The following L3MBTL3 variants were observed in gnomAD, a reference collection of about 807,000 sequenced individuals.
The protein encoded by L3MBTL3 is L3MBTL histone methyl-lysine binding protein 3.
Under a neutral mutation model 102.3 loss-of-function variants are expected in L3MBTL3, and 27 were observed. That is an observed-to-expected ratio of 0.26 (90% CI 0.19 to 0.36). The LOEUF (loss-of-function observed/expected upper bound fraction) is 0.36, where lower values mean the gene tolerates loss of function less well. Among genes scored for constraint, L3MBTL3 ranks in the 10% least tolerant of loss-of-function variants. The probability of loss-of-function intolerance (pLI) is 1.00; values close to 1 mark genes in which losing one functional copy is unlikely to be tolerated. For synonymous variants in L3MBTL3, 340 were observed against 320.9 expected (o/e 1.06, Z -0.64); for missense variants, 798 against 955.3 (o/e 0.84, Z 2.17).
intron 14 of L3MBTL3, among the ~76,000 whole-genome samples, chr6:130,082,958 A>G (rs1296666355): frequency 6.6e-6 from 1 of 152,148 alleles, no homozygotes; most frequent in Non-Finnish European, 1.5e-5. Flanking sequence ...TGCTTTTCTC[A>G]GTCCCCTTTA....
In L3MBTL3 at chr6:130,057,500, A is replaced by G; in HGVS notation, c.759+3A>G. Reference sequence around the variant, plus strand: ...TGCCGGCGAAGCTGTTCAAGGAGGTACGGGCCCTTCTAGAGACGTGATCTG... The same window carrying G: ...TGCCGGCGAAGCTGTTCAAGGAGGTGCGGGCCCTTCTAGAGACGTGATCTG... On this transcript the variant is annotated splice_donor_region_variant and intron_variant, in intron 9 of 22. Coordinates refer to ENST00000361794, the MANE Select transcript of L3MBTL3 (RefSeq NM_032438.4). 1.2e-6 allele frequency: 2 copies of G among 1,603,088 alleles called. No homozygotes were observed. The highest frequency in any genetic ancestry group is 4.5e-5 in the East Asian group (2 of 44,650).
chr6:130,024,406 C>G (rs1055741730), intron 2 of L3MBTL3, among the ~76,000 whole-genome samples: 1 of 152,140 alleles, frequency 6.6e-6, no homozygotes, highest in Admixed American at 6.5e-5. Context: ...TACTTCATCT[C>G]CACTCTTTGG....
Position 130,051,333 on chromosome 6 carries a change from A to T in L3MBTL3, c.374A>T (p.Gln125Leu), listed in dbSNP as rs918109892. 6.2e-7 allele frequency: 1 copy of T among 1,614,066 alleles called. No homozygotes were observed. Residue 125 changes from glutamine to leucine, a missense_variant, in exon 6 of 23, where the codon CAG becomes CTG. Physicochemically the swap from Gln to Leu is moderately radical, Grantham distance 113. Coordinates refer to ENST00000361794, the MANE Select transcript of L3MBTL3 (RefSeq NM_032438.4). ...EGLQFCENCCQYGNVDECLSG... is the reference protein window; with the variant it reads ...EGLQFCENCCLYGNVDECLSG... ...CTTCAGTTCTGTGAGAACTGTTGTCAGTATGGCAACGTAGATGAGTGTCTT... is the reference window on the plus strand; with the variant it reads ...CTTCAGTTCTGTGAGAACTGTTGTCTGTATGGCAACGTAGATGAGTGTCTT...
intron 19 of L3MBTL3, among the ~76,000 whole-genome samples, chr6:130,118,240 C>T (rs1170389734): frequency 6.6e-6 from 1 of 152,118 alleles, no homozygotes; most frequent in East Asian, 1.9e-4. Flanking sequence ...GTGCTATACT[C>T]GCCCTGTGAA....
Position 130,139,645 on chromosome 6 carries a change from A to G in L3MBTL3, c.2235A>G (p.Gln745=), listed in dbSNP as rs1788097181. ...IDGEAFLLMT[Q]TDIVKIMSIK... ...GAGAAGCATTTCTACTTATGACTCA[A>G]ACAGACATTGTTAAAATTATGAGCA... The change falls in exon 23 of 23, where the codon CAA becomes CAG. Residue 745 remains glutamine (Q), a synonymous_variant. Coordinates refer to ENST00000361794, the MANE Select transcript of L3MBTL3 (RefSeq NM_032438.4). 1.2e-6 allele frequency: 2 copies of G among 1,613,216 alleles called. No individual in the cohort carries two copies. Among genetic ancestry groups the G allele is most frequent in the South Asian group, 1.1e-5 (1 of 91,076 alleles).
intron 20 of L3MBTL3, among the ~76,000 whole-genome samples, chr6:130,130,090 A>G (rs778609882): frequency 2.0e-5 from 3 of 152,210 alleles, no homozygotes; most frequent in African/African-American, 7.2e-5. Flanking sequence ...TGGTACTAGG[A>G]TTGGAAGAGT....
intron 19 of L3MBTL3, among the ~76,000 whole-genome samples, chr6:130,116,909 G>A (rs1785724085): frequency 8.2e-6 from 1 of 121,626 alleles, no homozygotes; most frequent in African/African-American, 2.6e-5. Flanking sequence ...AATATTTCTG[G>A]TTGTCATTTT....
At chr6:130,109,984 GT>G (rs1785247958) in intron 19 of L3MBTL3, among the ~76,000 whole-genome samples, 2 of 152,128 alleles carry the variant, frequency 1.3e-5, no homozygotes, top group Non-Finnish European at 2.9e-5. Context: ...TTTTTGTTAG[GT>G]TTGTCGAAGA....
At chr6:130,021,597 A>C (rs1168855070) in intron 1 of L3MBTL3, among the ~76,000 whole-genome samples, 1 of 152,224 alleles carries the variant, frequency 6.6e-6, no homozygotes, top group Admixed American at 6.5e-5. Context: ...ATGTTAAGAA[A>C]ACTGCTAAGT....
At chr6:130,068,521 A>G (rs1782421586) in intron 12 of L3MBTL3, 100 bp downstream of exon 12, 2 of 645,122 alleles carry the variant, frequency 3.1e-6, no homozygotes, top group Non-Finnish European at 5.6e-6. Context: ...AATAAATTTT[A>G]TCGCCTTGGT....
At chr6:130,107,380 G>T (rs576180078) in intron 19 of L3MBTL3, among the ~76,000 whole-genome samples, 1 of 152,040 alleles carries the variant, frequency 6.6e-6, no homozygotes, top group Admixed American at 6.5e-5. Flanking sequence ...TTCCACCTTG[G>T]ATAAATCAGC....
intron 10 of L3MBTL3, among the ~76,000 whole-genome samples, chr6:130,064,165 A>G (rs1782093354): frequency 6.6e-6 from 1 of 152,244 alleles, no homozygotes; most frequent in Admixed American, 6.5e-5. Context: ...GTCACCAGGC[A>G]AATATTTTGC....
intron 20 of L3MBTL3, among the ~76,000 whole-genome samples, chr6:130,127,715 C>T (rs1334108801): frequency 6.6e-6 from 1 of 152,118 alleles, no homozygotes; most frequent in Admixed American, 6.6e-5. Context: ...TAACGAGACC[C>T]AGCGATTGAT....
intron 19 of L3MBTL3, among the ~76,000 whole-genome samples, chr6:130,107,103 T>C (rs900832049): frequency 1.1e-4 from 16 of 152,130 alleles, no homozygotes; most frequent in African/African-American, 3.9e-4. Context: ...TAGGACCCAA[T>C]TTGTCCTAGT....
intron 2 of L3MBTL3, among the ~76,000 whole-genome samples, chr6:130,034,004 T>C (rs1326743552): frequency 6.6e-6 from 1 of 152,224 alleles, no homozygotes. Context: ...TTTTGCTTTG[T>C]GCTGTGCGCC....
At chr6:130,082,975 T>A (rs918831359) in intron 14 of L3MBTL3, among the ~76,000 whole-genome samples, 1 of 152,198 alleles carries the variant, frequency 6.6e-6, no homozygotes, top group African/African-American at 2.4e-5. Flanking sequence ...TTTATGTGGC[T>A]AATTTCCCAC....
chr6:130,129,988 A>G (rs188010849), intron 20 of L3MBTL3, among the ~76,000 whole-genome samples: 71 of 152,374 alleles, frequency 4.7e-4, no homozygotes, highest in Admixed American at 2.2e-3. Context: ...GATTAAAATC[A>G]TAGGAGGTGG....
At chr6:130,080,209 G>A (rs767809790) in intron 14 of L3MBTL3, among the ~76,000 whole-genome samples, 2 of 150,628 alleles carry the variant, frequency 1.3e-5, no homozygotes, top group East Asian at 3.9e-4. Context: ...AGCCAGCTAT[G>A]ATTATGCCAC....
chr6:130,050,822 G>T (rs1006727670), intron 5 of L3MBTL3, among the ~76,000 whole-genome samples: 3 of 152,180 alleles, frequency 2.0e-5, no homozygotes, highest in Admixed American at 2.0e-4. Flanking sequence ...TAATAGAAGA[G>T]ATGTTGATTT....
Sources: allele counts gnomAD v4.1 joint callset (sites outside exome capture counted in the v4.1 genomes callset), GRCh38; gene constraint gnomAD v4.1.1; transcripts MANE v1.5; gene names NCBI Gene and HGNC (gene_info 2026-07-23, HGNC 2026-07-21).